The following ZRANB3 variants were observed in gnomAD, a reference collection of about 807,000 sequenced individuals.
ZRANB3 encodes zinc finger RANBP2-type containing 3, also known as DNA annealing helicase and endonuclease ZRANB3.
Under a neutral mutation model 133.8 loss-of-function variants are expected in ZRANB3, and 125 were observed. That is an observed-to-expected ratio of 0.93 (90% CI 0.81 to 1.08). The LOEUF (loss-of-function observed/expected upper bound fraction) is 1.08, where lower values mean the gene tolerates loss of function less well. Among genes scored for constraint, ZRANB3 ranks in the 50% least tolerant of loss-of-function variants. The probability of loss-of-function intolerance (pLI) is 0.00; values close to 1 mark genes in which losing one functional copy is unlikely to be tolerated. For synonymous variants in ZRANB3, 387 were observed against 432.7 expected, an observed-to-expected ratio of 0.89 and a Z score of 1.31; for missense variants, 1,229 against 1,275.5, an observed-to-expected ratio of 0.96 and a Z score of 0.56.
At chr2:135,412,787 C>T (rs1688368458) in intron 2 of ZRANB3, among the ~76,000 whole-genome samples, 1 of 151,870 alleles carries the variant, frequency 6.6e-6, no homozygotes, top group African/African-American at 2.4e-5. Flanking sequence ...AGTTATAGGG[C>T]AATTTTCTGC....
chr2:135,237,867 A>G (rs1365026264), intron 12 of ZRANB3, among the ~76,000 whole-genome samples: 1 of 152,166 alleles, frequency 6.6e-6, no homozygotes, highest in Admixed American at 6.5e-5. Flanking sequence ...GGTGCAGCAC[A>G]CCAACATGGC....
At chr2:135,271,667 AG>A in intron 10 of ZRANB3, 100 bp downstream of exon 10, 3 of 1,329,648 alleles carry the variant, frequency 2.3e-6, no homozygotes, top group Non-Finnish European at 3.0e-6. Context: ...CAAGGCATCC[AG>A]ATACAAAGTT....
intron 6 of ZRANB3, among the ~76,000 whole-genome samples, chr2:135,344,965 C>G (rs897895434): frequency 6.6e-6 from 1 of 152,134 alleles, no homozygotes; most frequent in South Asian, 2.1e-4. Flanking sequence ...AGTGCCAACA[C>G]TGCTTACATG....
At chr2:135,524,016 T>C (rs1694048758) in intron 1 of ZRANB3, among the ~76,000 whole-genome samples, 2 of 152,226 alleles carry the variant, frequency 1.3e-5, no homozygotes, top group African/African-American at 4.8e-5. Context: ...CAAGTATCTA[T>C]ATTTAAAAAG....
intron 15 of ZRANB3, 119 bp downstream of exon 15, chr2:135,224,307 C>A: frequency 1.3e-6 from 1 of 786,744 alleles, no homozygotes; most frequent in Non-Finnish European, 1.9e-6. Context: ...TGAGAATTAG[C>A]TTTGAGGAAA....
At chr2:135,362,290 T>C (rs1278108497) in intron 3 of ZRANB3, among the ~76,000 whole-genome samples, 2 of 152,020 alleles carry the variant, frequency 1.3e-5, no homozygotes, top group Non-Finnish European at 2.9e-5. Flanking sequence ...ACAGACCATA[T>C]GGGTATGCAC....
chr2:135,260,682 T>C (rs1199679905), intron 12 of ZRANB3, among the ~76,000 whole-genome samples: 4 of 146,530 alleles, frequency 2.7e-5, no homozygotes, highest in Admixed American at 6.9e-5. Flanking sequence ...TACTTGAACA[T>C]ATTTATATAT....
At chr2:135,330,485 G>A (rs1011443907) in intron 6 of ZRANB3, among the ~76,000 whole-genome samples, 2 of 152,158 alleles carry the variant, frequency 1.3e-5, no homozygotes, top group African/African-American at 2.4e-5. Flanking sequence ...TCGCATCGAT[G>A]TTCATCAGGG....
chr2:135,410,344 C>T (rs555217963), intron 2 of ZRANB3, among the ~76,000 whole-genome samples: 120 of 152,154 alleles, frequency 7.9e-4, no homozygotes, highest in Admixed American at 5.9e-4. Context: ...CAACTACAAG[C>T]ACCTAATCTT....
chr2:135,418,979 C>T (rs547164453), intron 2 of ZRANB3, among the ~76,000 whole-genome samples: 93 of 132,858 alleles, frequency 7.0e-4, no homozygotes, highest in African/African-American at 2.6e-3. Flanking sequence ...GTTCTGTCAC[C>T]CAGGCTGGAG....
At chr2:135,377,528 A>T (rs1265874552) in intron 3 of ZRANB3, among the ~76,000 whole-genome samples, 1 of 152,228 alleles carries the variant, frequency 6.6e-6, no homozygotes, top group East Asian at 1.9e-4. Context: ...AACCAAAACA[A>T]AAAACTTCTA....
intron 12 of ZRANB3, among the ~76,000 whole-genome samples, chr2:135,233,197 T>C (rs953528346): frequency 4.6e-5 from 7 of 152,092 alleles, no homozygotes; most frequent in African/African-American, 1.4e-4. Context: ...CTATCAGTGA[T>C]GGAAGATCAA....
chr2:135,336,932 A>G (rs1346408734), intron 6 of ZRANB3, among the ~76,000 whole-genome samples: 1 of 152,196 alleles, frequency 6.6e-6, no homozygotes, highest in Non-Finnish European at 1.5e-5. Context: ...CATGAAAAAA[A>G]AAGACCTATG....
At chr2:135,387,993 C>T (rs1472761100) in intron 3 of ZRANB3, among the ~76,000 whole-genome samples, 1 of 152,128 alleles carries the variant, frequency 6.6e-6, no homozygotes, top group Non-Finnish European at 1.5e-5. Flanking sequence ...GTGTCTTAGT[C>T]TGTTCTCACA....
At chr2:135,384,507 T>A (rs556982683) in intron 3 of ZRANB3, among the ~76,000 whole-genome samples, 1 of 152,242 alleles carries the variant, frequency 6.6e-6, no homozygotes, top group Admixed American at 6.5e-5. Flanking sequence ...GGCAGCATCA[T>A]CCTGATACCA....
intron 6 of ZRANB3, among the ~76,000 whole-genome samples, chr2:135,321,629 A>G (rs1442294660): frequency 1.3e-5 from 2 of 152,020 alleles, no homozygotes; most frequent in East Asian, 3.9e-4. Flanking sequence ...GTGTACCACC[A>G]TGCCGGGCTA....
chr2:135,348,240 C>G (rs2104870270), intron 5 of ZRANB3, among the ~76,000 whole-genome samples: 1 of 147,806 alleles, frequency 6.8e-6, no homozygotes, highest in East Asian at 2.0e-4. Context: ...GCCTGGGCAA[C>G]AGAGTGAGAC....
chr2:135,490,788 A>G lies in ZRANB3; in HGVS notation c.161+13541T>C, dbSNP rs186074164. 2.1e-3 allele frequency among the ~76,000 whole-genome samples: 321 copies of G among 152,356 alleles called. 4 individuals are homozygous for G. Among genetic ancestry groups the G allele is most frequent in the African/African-American group, 7.4e-3 (309 of 41,582 alleles). Reference sequence around the variant, plus strand: ...AAGAAAATGTGATATATATATACACAATGAATATTATTCAGCCATAAACAA... The same window carrying G: ...AAGAAAATGTGATATATATATACACGATGAATATTATTCAGCCATAAACAA... On this transcript the variant is annotated intron_variant, in intron 2 of 20. Coordinates refer to ENST00000264159, the MANE Select transcript of ZRANB3 (RefSeq NM_032143.4).
chr2:135,441,155 C>T (rs898279776), intron 2 of ZRANB3, among the ~76,000 whole-genome samples: 1 of 152,052 alleles, frequency 6.6e-6, no homozygotes, highest in East Asian at 1.9e-4. Flanking sequence ...GATAAACACA[C>T]AAAAGAAGCC....
Sources: gnomAD v4.1 joint callset for allele counts (sites outside exome capture counted in the v4.1 genomes callset) on GRCh38, gnomAD v4.1.1 for gene constraint, MANE v1.5 for transcripts, NCBI Gene and HGNC (gene_info 2026-07-23, HGNC 2026-07-21) for gene names.